The following CNTN3 variants were observed in gnomAD, a reference collection of about 807,000 sequenced individuals.
CNTN3 encodes contactin 3.
Under a neutral mutation model 119.1 loss-of-function variants are expected in CNTN3, and 60 were observed. That is an observed-to-expected ratio of 0.50 (90% CI 0.41 to 0.62). The LOEUF is 0.62. CNTN3 is among the 20% of genes least tolerant of loss of function. The probability of loss-of-function intolerance (pLI) is 0.00; values close to 1 mark genes in which losing one functional copy is unlikely to be tolerated. For synonymous variants in CNTN3, 450 were observed against 438.7 expected, an observed-to-expected ratio of 1.03 and a Z score of -0.32; for missense variants, 1,101 against 1,242.4, an observed-to-expected ratio of 0.89 and a Z score of 1.71.
At chr3:74,477,788 A>G (rs994420544) in intron 4 of CNTN3, among the ~76,000 whole-genome samples, 1 of 152,112 alleles carries the variant, frequency 6.6e-6, no homozygotes. Context: ...TCTGTATCAA[A>G]ATGTCTCATA....
At chr3:74,599,289 C>T (rs1284361416) in intron 1 of CNTN3, among the ~76,000 whole-genome samples, 1 of 151,986 alleles carries the variant, frequency 6.6e-6, no homozygotes, top group Non-Finnish European at 1.5e-5. Flanking sequence ...GGAAAACAGA[C>T]ATGAAATAAG....
chr3:74,312,233 C>T (rs1379782850), intron 13 of CNTN3, among the ~76,000 whole-genome samples: 1 of 151,956 alleles, frequency 6.6e-6, no homozygotes, highest in Non-Finnish European at 1.5e-5. Context: ...GCGGGCAGAT[C>T]ACGAGGTCAG....
At chr3:74,555,648 T>A (rs1704057661) in intron 1 of CNTN3, among the ~76,000 whole-genome samples, 1 of 152,214 alleles carries the variant, frequency 6.6e-6, no homozygotes, top group Non-Finnish European at 1.5e-5. Context: ...TGGGAGGACA[T>A]ATGTGTCCAG....
chr3:74,598,193 G>A (rs1309374931), intron 1 of CNTN3, among the ~76,000 whole-genome samples: 2 of 151,876 alleles, frequency 1.3e-5, no homozygotes, highest in Middle Eastern at 3.4e-3. Flanking sequence ...AGACTTAAGA[G>A]ATTTTCCAGC....
chr3:74,586,886 T>A (rs908402990), intron 1 of CNTN3, among the ~76,000 whole-genome samples: 1 of 152,026 alleles, frequency 6.6e-6, no homozygotes, highest in Non-Finnish European at 1.5e-5. Context: ...TAATTCTTAA[T>A]CTAATTAGGG....
intron 13 of CNTN3, among the ~76,000 whole-genome samples, chr3:74,329,056 A>G (rs1703197145): frequency 6.6e-6 from 1 of 152,216 alleles, no homozygotes; most frequent in Non-Finnish European, 1.5e-5. Context: ...CATAGTTATA[A>G]AGAGCTGCTG....
intron 5 of CNTN3, among the ~76,000 whole-genome samples, chr3:74,407,190 T>A (rs1229407289): frequency 6.6e-6 from 1 of 151,972 alleles, no homozygotes; most frequent in Non-Finnish European, 1.5e-5. Flanking sequence ...ACACATATAT[T>A]GTGTGGGTGC....
intron 13 of CNTN3, among the ~76,000 whole-genome samples, chr3:74,322,100 T>A (rs1441272779): frequency 6.7e-6 from 1 of 150,044 alleles, no homozygotes; most frequent in Non-Finnish European, 1.5e-5. Flanking sequence ...GCAGGAGAAT[T>A]GCTTGAACCC....
At chr3:74,407,051 T>C (rs1701332486) in intron 5 of CNTN3, among the ~76,000 whole-genome samples, 1 of 152,282 alleles carries the variant, frequency 6.6e-6, no homozygotes, top group South Asian at 2.1e-4. Context: ...TAGAATAATG[T>C]GGCAGAATGG....
chr3:74,320,430 G>A (rs568005), intron 13 of CNTN3, among the ~76,000 whole-genome samples: 60,483 of 151,708 alleles, frequency 0.4, 14,666 homozygotes, highest in East Asian at 0.68. Flanking sequence ...AAAAAACCAA[G>A]CACCGCATGT....
chr3:74,455,065 T>A (rs988778959), intron 4 of CNTN3, among the ~76,000 whole-genome samples: 1 of 152,154 alleles, frequency 6.6e-6, no homozygotes, highest in African/African-American at 2.4e-5. Context: ...CCTTGCTAGA[T>A]TGGGGAAGTT....
intron 5 of CNTN3, among the ~76,000 whole-genome samples, chr3:74,392,935 T>C (rs1377270472): frequency 4.4e-5 from 6 of 135,996 alleles, no homozygotes; most frequent in African/African-American, 1.5e-4. Flanking sequence ...GTCTAGAACA[T>C]TCCCAGCAAT....
chr3:74,450,502 GTT>G (rs35264458), intron 4 of CNTN3, among the ~76,000 whole-genome samples: 6,259 of 128,210 alleles, frequency 0.049, 164 homozygotes, highest in Non-Finnish European at 0.064. Flanking sequence ...CTGAAGCCCT[GTT>G]TTTTTTTTTT....
rs1204699987 is a variant in CNTN3, at chr3:74,481,601, C to A, written c.358+4855G>T. Among the ~76,000 whole-genome samples the A allele has an allele frequency of 5.3e-5, 8 of 151,802 alleles. No homozygotes were observed. In the South Asian group the frequency reaches 1.7e-3, roughly 31 times the overall value. ...TCTAATTCTTTGAATACAGCTAAAA[C>A]TGTACTTTCAGGAAAATTTAAAACC... On this transcript the variant is annotated intron_variant, in intron 4 of 22. Coordinates refer to ENST00000263665, the MANE Select transcript of CNTN3 (RefSeq NM_020872.3).
intron 20 of CNTN3, among the ~76,000 whole-genome samples, chr3:74,279,977 T>A (rs866007638): frequency 4.6e-4 from 70 of 152,204 alleles, no homozygotes; most frequent in African/African-American, 1.5e-3. Flanking sequence ...CTATAGTCAA[T>A]AATAACTGTA....
intron 1 of CNTN3, among the ~76,000 whole-genome samples, chr3:74,526,900 G>A (rs2107130215): frequency 6.6e-6 from 1 of 151,726 alleles, no homozygotes; most frequent in East Asian, 2.0e-4. Flanking sequence ...AAAAAATAGT[G>A]ATTTGTAACC....
rs1704329377 is a variant in CNTN3, at chr3:74,371,215, A to C, written c.639T>G (p.Pro213=). 1 of 1,612,976 alleles carries C rather than the reference A, an allele frequency of 6.2e-7. No homozygotes were observed. Among genetic ancestry groups the C allele is most frequent in the Non-Finnish European group, 8.5e-7 (1 of 1,179,400 alleles). Residue 213 remains proline, a synonymous_variant, in exon 6 of 23, where the codon CCT becomes CCG. Coordinates refer to ENST00000263665, the MANE Select transcript of CNTN3 (RefSeq NM_020872.3). ...TNARVLGSPT[P]LVLRSDGVMG... is the part of the protein sequence containing the mutation. ...CATTACCATCAGAACGTAGCACCAAAGGAGTTGGAGAGCCCAGCACTCGGG... is the reference window on the plus strand; with the variant it reads ...CATTACCATCAGAACGTAGCACCAACGGAGTTGGAGAGCCCAGCACTCGGG...
intron 2 of CNTN3, among the ~76,000 whole-genome samples, chr3:74,504,703 G>A (rs571838324): frequency 1.4e-4 from 22 of 152,174 alleles, no homozygotes; most frequent in African/African-American, 4.1e-4. Context: ...AGCTATCACC[G>A]GCCCTTCTTT....
At chr3:74,320,185 T>C (rs1203221195) in intron 13 of CNTN3, among the ~76,000 whole-genome samples, 2 of 152,028 alleles carry the variant, frequency 1.3e-5, no homozygotes, top group Non-Finnish European at 2.9e-5. Flanking sequence ...CCCAAAGGAG[T>C]ATAAATCATG....
Sources: gnomAD v4.1 joint callset for allele counts (sites outside exome capture counted in the v4.1 genomes callset) on GRCh38, gnomAD v4.1.1 for gene constraint, MANE v1.5 for transcripts, NCBI Gene and HGNC (gene_info 2026-07-23, HGNC 2026-07-21) for gene names.